Variants in DPP10 observed in about 807,000 individuals in gnomAD.
The protein encoded by DPP10 is inactive dipeptidyl peptidase 10.
DPP10 carries 33 observed loss-of-function variants against 120.9 expected under a neutral mutation model. The observed-to-expected ratio is 0.27, with a 90% CI of 0.21 to 0.37. The LOEUF (loss-of-function observed/expected upper bound fraction) is 0.37, where lower values mean the gene tolerates loss of function less well. DPP10 is among the 10% of genes least tolerant of loss of function. DPP10 has a pLI of 1.00. For missense variants in DPP10, 816 were observed against 942.8 expected (o/e 0.87, Z 1.76); for synonymous variants, 337 against 326.1 (o/e 1.03, Z -0.36).
At chr2:114,608,413 CGGT>C (rs1172540141) in intron 1 of DPP10, among the ~76,000 whole-genome samples, 2 of 151,814 alleles carry the variant, frequency 1.3e-5, no homozygotes, top group Non-Finnish European at 2.9e-5. Context: ...TTTGAGGAGA[CGGT>C]GGTAACAGCA....
At chr2:114,696,329 G>C (rs1392962962) in intron 1 of DPP10, among the ~76,000 whole-genome samples, 1 of 152,042 alleles carries the variant, frequency 6.6e-6, no homozygotes, top group Non-Finnish European at 1.5e-5. Flanking sequence ...TCCAGGTATG[G>C]AAAATCTTAT....
chr2:114,992,533 G>A (rs774497760), intron 1 of DPP10, among the ~76,000 whole-genome samples: 1 of 152,160 alleles, frequency 6.6e-6, no homozygotes, highest in Non-Finnish European at 1.5e-5. Flanking sequence ...TTGGGGTTAT[G>A]TTAACTGAAA....
chr2:115,257,115 C>G (rs1220232118), intron 1 of DPP10, among the ~76,000 whole-genome samples: 1 of 152,186 alleles, frequency 6.6e-6, no homozygotes, highest in Non-Finnish European at 1.5e-5. Flanking sequence ...TTGGTCTCAA[C>G]CATTTAACCA....
intron 1 of DPP10, among the ~76,000 whole-genome samples, chr2:114,538,812 T>C (rs1373652222): frequency 2.6e-5 from 4 of 152,206 alleles, no homozygotes; most frequent in African/African-American, 7.2e-5. Context: ...ATGTCCAACT[T>C]GCAGTAGGTG....
chr2:115,090,777 T>A (rs1025837591), intron 1 of DPP10, among the ~76,000 whole-genome samples: 1 of 151,928 alleles, frequency 6.6e-6, no homozygotes, highest in Non-Finnish European at 1.5e-5. Flanking sequence ...GGGAGAAGTT[T>A]ATGGTGGGGT....
intron 1 of DPP10, among the ~76,000 whole-genome samples, chr2:115,197,391 C>CAAA (rs757548532): frequency 1.0e-5 from 1 of 100,362 alleles, no homozygotes; most frequent in Non-Finnish European, 2.1e-5. Flanking sequence ...GACTCCATCT[C>CAAA]AAAAAAAAAA....
intron 1 of DPP10, among the ~76,000 whole-genome samples, chr2:115,089,455 A>C (rs79475650): frequency 0.031 from 4,645 of 152,242 alleles, 241 homozygotes; most frequent in African/African-American, 0.11. Flanking sequence ...CGTTTTCCAC[A>C]ATGTTTATTT....
At chr2:114,554,296 C>A (rs1352288735) in intron 1 of DPP10, among the ~76,000 whole-genome samples, 1 of 152,176 alleles carries the variant, frequency 6.6e-6, no homozygotes, top group Admixed American at 6.5e-5. Context: ...AAGATGCCAG[C>A]GCTTGGCTCA....
chr2:114,883,988 G>T (rs58722826), intron 1 of DPP10, among the ~76,000 whole-genome samples: 1 of 152,140 alleles, frequency 6.6e-6, no homozygotes, highest in African/African-American at 2.4e-5. Flanking sequence ...AAATACTGGA[G>T]CCATTTTTGT....
chr2:115,262,270 A>G (rs2059285401), intron 1 of DPP10, among the ~76,000 whole-genome samples: 1 of 152,092 alleles, frequency 6.6e-6, no homozygotes, highest in African/African-American at 2.4e-5. Flanking sequence ...TGTAACACCA[A>G]GTCTTTTGTC....
intron 2 of DPP10, among the ~76,000 whole-genome samples, chr2:115,312,784 T>C (rs575953061): frequency 5.9e-5 from 9 of 152,236 alleles, no homozygotes; most frequent in Admixed American, 3.9e-4. Flanking sequence ...AGGCCTAGCT[T>C]TCTAAGTAAA....
intron 1 of DPP10, among the ~76,000 whole-genome samples, chr2:114,494,734 A>G (rs1161561828): frequency 6.6e-6 from 1 of 152,156 alleles, no homozygotes; most frequent in Non-Finnish European, 1.5e-5. Flanking sequence ...CTGATTGAGT[A>G]TACATTACTG....
chr2:115,561,040 A>G (rs2080625093), intron 5 of DPP10, among the ~76,000 whole-genome samples: 1 of 151,956 alleles, frequency 6.6e-6, no homozygotes, highest in East Asian at 1.9e-4. Context: ...GAGATGATAG[A>G]ATTTGCCTAT....
At chr2:115,208,312 G>A (rs1278201453) in intron 1 of DPP10, among the ~76,000 whole-genome samples, 1 of 149,408 alleles carries the variant, frequency 6.7e-6, no homozygotes, top group African/African-American at 2.5e-5. Context: ...CGATTCTCCT[G>A]CCTCAGCCTC....
intron 1 of DPP10, among the ~76,000 whole-genome samples, chr2:114,596,308 TCTCGTCC>T (rs5833553): frequency 0.15 from 22,677 of 151,814 alleles, 2,079 homozygotes; most frequent in African/African-American, 0.26. Flanking sequence ...TAGCAAGACC[TCTCGTCC>T]CTATATATAT....
At chr2:115,792,479 T>A (rs1684094649) in intron 19 of DPP10, among the ~76,000 whole-genome samples, 1 of 152,108 alleles carries the variant, frequency 6.6e-6, no homozygotes, top group Admixed American at 6.5e-5. Context: ...TCTCTCACTC[T>A]AGTGTTCATT....
chr2:115,139,977 G>T (rs1009369928), intron 1 of DPP10, among the ~76,000 whole-genome samples: 1 of 152,054 alleles, frequency 6.6e-6, no homozygotes, highest in Non-Finnish European at 1.5e-5. Context: ...TTCATTCTCT[G>T]CCCCATAAGG....
chr2:115,786,281 T>A (rs1683336435), intron 17 of DPP10, among the ~76,000 whole-genome samples: 1 of 152,186 alleles, frequency 6.6e-6, no homozygotes, highest in Non-Finnish European at 1.5e-5. Flanking sequence ...GTGTTCACAT[T>A]TGCAAGATAA....
intron 1 of DPP10, among the ~76,000 whole-genome samples, chr2:114,797,791 A>G (rs919299454): frequency 1.3e-5 from 2 of 152,230 alleles, no homozygotes; most frequent in Non-Finnish European, 2.9e-5. Flanking sequence ...GAGATGCGAT[A>G]TAATTCCTGT....
Sources: allele counts gnomAD v4.1 joint callset (sites outside exome capture counted in the v4.1 genomes callset), GRCh38; gene constraint gnomAD v4.1.1; transcripts MANE v1.5; gene names NCBI Gene and HGNC (gene_info 2026-07-23, HGNC 2026-07-21).